Variants in MALRD1 observed in about 807,000 individuals in gnomAD.
MALRD1 encodes the protein MAM and LDL-receptor class A domain-containing protein 1.
Under a neutral mutation model 242.1 loss-of-function variants are expected in MALRD1, and 247 were observed. That is an observed-to-expected ratio of 1.02 (90% CI 0.92 to 1.13). The LOEUF (loss-of-function observed/expected upper bound fraction) is 1.13, where lower values mean the gene tolerates loss of function less well. MALRD1 is among the 50% of genes most tolerant of loss of function. The pLI is 0.00. For missense variants in MALRD1, 2,989 were observed against 2,533.1 expected, an observed-to-expected ratio of 1.18 and a Z score of -3.86; for synonymous variants, 995 against 866.6, an observed-to-expected ratio of 1.15 and a Z score of -2.60.
intron 26 of MALRD1, among the ~76,000 whole-genome samples, chr10:19,356,037 T>A (rs550547155): frequency 2.0e-5 from 3 of 150,872 alleles, no homozygotes; most frequent in East Asian, 1.9e-4. Context: ...ATGTGTAAAT[T>A]GTTGAATTGG....
intron 24 of MALRD1, among the ~76,000 whole-genome samples, chr10:19,332,631 T>A (rs982377675): frequency 6.6e-6 from 1 of 152,206 alleles, no homozygotes; most frequent in African/African-American, 2.4e-5. Flanking sequence ...TATTATTTGC[T>A]TCTTGGAACC....
intron 33 of MALRD1, among the ~76,000 whole-genome samples, chr10:19,584,382 A>G (rs1281356566): frequency 6.6e-6 from 1 of 152,010 alleles, no homozygotes; most frequent in Non-Finnish European, 1.5e-5. Context: ...ATTTCCCTCT[A>G]CACACTGCTT....
At chr10:19,275,681 TA>T (rs1241601056) in intron 19 of MALRD1, among the ~76,000 whole-genome samples, 6 of 151,780 alleles carry the variant, frequency 4.0e-5, no homozygotes, top group African/African-American at 1.2e-4. Context: ...AAAATAAAAA[TA>T]AAAATAAAAT....
At chr10:19,649,028 A>T (rs192256493) in intron 36 of MALRD1, among the ~76,000 whole-genome samples, 8 of 152,272 alleles carry the variant, frequency 5.3e-5, no homozygotes, top group Non-Finnish European at 1.2e-4. Context: ...GCTAAGGATG[A>T]TAGCCTCCAG....
chr10:19,056,870 A>G (rs1199077898), intron 1 of MALRD1, among the ~76,000 whole-genome samples: 1 of 152,100 alleles, frequency 6.6e-6, no homozygotes, highest in Non-Finnish European at 1.5e-5. Context: ...CTGTTGAAAG[A>G]TTTTATTATG....
chr10:19,625,225 A>G (rs1400977515), intron 36 of MALRD1, among the ~76,000 whole-genome samples: 2 of 152,170 alleles, frequency 1.3e-5, no homozygotes, highest in Non-Finnish European at 2.9e-5. Flanking sequence ...TAGACGGCTT[A>G]TGATTCTAGA....
At chr10:19,733,007 G>A (rs1430929467) in intron 39 of MALRD1, among the ~76,000 whole-genome samples, 1 of 152,068 alleles carries the variant, frequency 6.6e-6, no homozygotes, top group East Asian at 1.9e-4. Flanking sequence ...GACCTTTGTG[G>A]CTATTTTGAT....
At chr10:19,435,800 G>A (rs1037533418) in intron 28 of MALRD1, among the ~76,000 whole-genome samples, 8 of 152,094 alleles carry the variant, frequency 5.3e-5, no homozygotes, top group Non-Finnish European at 1.5e-5. Context: ...TGCAGCCCAC[G>A]CTCAAGGAGT....
chr10:19,171,943 T>C (rs1428673136), intron 13 of MALRD1, among the ~76,000 whole-genome samples: 2 of 123,360 alleles, frequency 1.6e-5, no homozygotes, highest in Non-Finnish European at 3.5e-5. Flanking sequence ...ATATATATCA[T>C]ATAATATATG....
At chr10:19,680,448 T>C (rs2131790368) in intron 36 of MALRD1, among the ~76,000 whole-genome samples, 1 of 152,270 alleles carries the variant, frequency 6.6e-6, no homozygotes, top group African/African-American at 2.4e-5. Flanking sequence ...TGCCAGAAAC[T>C]AGGATTGCAA....
At chr10:19,699,390 G>C (rs909184839) in intron 38 of MALRD1, among the ~76,000 whole-genome samples, 7 of 151,820 alleles carry the variant, frequency 4.6e-5, no homozygotes, top group African/African-American at 1.7e-4. Context: ...GTGAAAGCTG[G>C]AGTTTACTTT....
At chr10:19,327,484 A>G in intron 22 of MALRD1, 79 bp from the exon 23 acceptor site, 1 of 1,131,626 alleles carries the variant, frequency 8.8e-7, no homozygotes, top group Non-Finnish European at 1.2e-6. Context: ...AAAAAAAAAA[A>G]TCACTGGAAG....
intron 26 of MALRD1, among the ~76,000 whole-genome samples, chr10:19,363,849 C>T (rs1241137448): frequency 6.6e-6 from 1 of 152,108 alleles, no homozygotes; most frequent in African/African-American, 2.4e-5. Context: ...AGACATCCCA[C>T]TTCCAGTGTC....
chr10:19,585,665 C>T (rs1042113489), intron 33 of MALRD1, among the ~76,000 whole-genome samples: 5 of 152,024 alleles, frequency 3.3e-5, no homozygotes, highest in Non-Finnish European at 5.9e-5. Flanking sequence ...AACATTTTTT[C>T]CTTCATTTCA....
At chr10:19,302,126 G>T (rs1841977303) in intron 21 of MALRD1, among the ~76,000 whole-genome samples, 2 of 151,756 alleles carry the variant, frequency 1.3e-5, no homozygotes, top group Non-Finnish European at 2.9e-5. Flanking sequence ...AGGTGTTGAT[G>T]AGAATGTGCA....
At chr10:19,354,783 G>A (rs1408236667) in intron 26 of MALRD1, among the ~76,000 whole-genome samples, 1 of 152,086 alleles carries the variant, frequency 6.6e-6, no homozygotes, top group African/African-American at 2.4e-5. Flanking sequence ...AATGATAAAT[G>A]TTTGAGGTGA....
intron 26 of MALRD1, among the ~76,000 whole-genome samples, chr10:19,370,228 G>A (rs4325220): frequency 0.28 from 42,027 of 151,906 alleles, 7,161 homozygotes; most frequent in East Asian, 0.39. Flanking sequence ...TTTTACTACC[G>A]ATTTTGTGAC....
At position 19,389,079 on chromosome 10, in the gene MALRD1, T is replaced by G. The variant is rs80021792; in HGVS notation, c.4688-373T>G. 39 of 352,250 alleles carry G rather than the reference T, an allele frequency of 1.1e-4. 1 individual carries two copies. The East Asian group carries it at 2.9e-3, about 26-fold the overall frequency. The allele number at this position is 352,250 out of a possible 1,614,324, so 21.8% of individuals were successfully genotyped here. ...CACACTCAAGAGATGACTAAATTTTTAAAAGCAGACCATATCACTCTTTTT... is the reference window on the plus strand; with the variant it reads ...CACACTCAAGAGATGACTAAATTTTGAAAAGCAGACCATATCACTCTTTTT... On this transcript the variant is annotated intron_variant, in intron 27 of 39. Coordinates refer to ENST00000454679, the MANE Select transcript of MALRD1 (RefSeq NM_001142308.3).
intron 10 of MALRD1, among the ~76,000 whole-genome samples, chr10:19,139,824 C>G (rs1833478703): frequency 6.6e-6 from 1 of 152,240 alleles, no homozygotes; most frequent in South Asian, 2.1e-4. Flanking sequence ...CTTACAGAAC[C>G]AAAAGCTACA....
Sources: gnomAD v4.1 joint callset for allele counts (sites outside exome capture counted in the v4.1 genomes callset) on GRCh38, gnomAD v4.1.1 for gene constraint, MANE v1.5 for transcripts, NCBI Gene and HGNC (gene_info 2026-07-23, HGNC 2026-07-21) for gene names.